The following TTC23L variants were observed in gnomAD, a reference collection of about 807,000 sequenced individuals.
TTC23L encodes the protein tetratricopeptide repeat protein 23-like.
In TTC23L, 42 loss-of-function variants were observed where a neutral mutation model predicts 48.1. The observed-to-expected ratio is 0.87, with a 90% CI of 0.68 to 1.13. TTC23L has a LOEUF of 1.13. TTC23L is among the 50% of genes most tolerant of loss of function. The probability of loss-of-function intolerance (pLI) is 0.00; values close to 1 mark genes in which losing one functional copy is unlikely to be tolerated. For missense variants in TTC23L, 391 were observed against 421.0 expected, an observed-to-expected ratio of 0.93 and a Z score of 0.62; for synonymous variants, 159 against 157.2, an observed-to-expected ratio of 1.01 and a Z score of -0.09.
intron 4 of TTC23L, among the ~76,000 whole-genome samples, chr5:34,851,611 T>C (rs558979400): frequency 5.5e-4 from 83 of 152,182 alleles, no homozygotes; most frequent in Non-Finnish European, 1.0e-3. Flanking sequence ...AATGTCCTTA[T>C]GTACTGGCAG....
chr5:34,915,889 G>A, the TTC23L span: 2 of 1,553,932 alleles, frequency 1.3e-6, no homozygotes, highest in Non-Finnish European at 1.7e-6. Context: ...CCCAGGCCCC[G>A]TTTGCAAGGT....
At chr5:34,874,639 C>T (rs1303021590) in intron 8 of TTC23L, among the ~76,000 whole-genome samples, 1 of 151,990 alleles carries the variant, frequency 6.6e-6, no homozygotes, top group Non-Finnish European at 1.5e-5. Context: ...GGGGGGTTTG[C>T]TTGAGCCCAG....
chr5:34,877,534 C>G (rs568392540), intron 8 of TTC23L, among the ~76,000 whole-genome samples: 1 of 152,142 alleles, frequency 6.6e-6, no homozygotes, highest in South Asian at 2.1e-4. Context: ...AGTGATTCTC[C>G]TGCCTCAGCC....
At chr5:34,869,220 C>A (rs1761277408) in intron 8 of TTC23L, 4 of 483,678 alleles carry the variant, frequency 8.3e-6, no homozygotes, top group Admixed American at 6.6e-5. Flanking sequence ...ACAAATAAAT[C>A]ATCTGATTTC....
chr5:34,888,423 C>G (rs114342364), intron 9 of TTC23L: 1 of 960,166 alleles, frequency 1.0e-6, no homozygotes, highest in African/African-American at 1.8e-5. Flanking sequence ...CTATCTGATT[C>G]TCTTTAACCT....
chr5:34,912,756 TAG>T, the TTC23L span, among the ~76,000 whole-genome samples: 1 of 152,160 alleles, frequency 6.6e-6, no homozygotes, highest in Admixed American at 6.5e-5. Flanking sequence ...TCCCAGAACT[TAG>T]AGAGACTGAG....
chr5:34,850,123 A>C, intron 3 of TTC23L, 62 bp from the exon 4 acceptor site: 1 of 1,579,072 alleles, frequency 6.3e-7, no homozygotes, highest in Non-Finnish European at 8.7e-7. Flanking sequence ...TCCAGTGATA[A>C]GTCCATGGGG....
the TTC23L span, among the ~76,000 whole-genome samples, chr5:34,904,967 T>TCAA: frequency 1.3e-5 from 2 of 152,236 alleles, no homozygotes; most frequent in African/African-American, 4.8e-5. Context: ...ATTATAATGA[T>TCAA]CAACAAGCTA....
At chr5:34,918,498 A>G in the TTC23L span, 2 of 1,328,616 alleles carry the variant, frequency 1.5e-6, no homozygotes, top group Admixed American at 4.7e-5. Flanking sequence ...CATATACTTT[A>G]GAAATTTCTA....
the TTC23L span, chr5:34,914,591 G>T: frequency 9.6e-7 from 1 of 1,038,372 alleles, no homozygotes; most frequent in Non-Finnish European, 1.4e-6. Context: ...CTATTGACAA[G>T]TTATTATGAC....
intron 8 of TTC23L, among the ~76,000 whole-genome samples, chr5:34,876,975 TTAAAG>T (rs545494631): frequency 2.0e-5 from 3 of 151,874 alleles, no homozygotes; most frequent in Non-Finnish European, 4.4e-5. Flanking sequence ...ACCCCAGAAC[TTAAAG>T]TATAATAAAA....
the TTC23L span, chr5:34,916,041 G>C: frequency 1.1e-6 from 1 of 948,880 alleles, no homozygotes; most frequent in Non-Finnish European, 1.5e-6. Context: ...CTCCCGGCCA[G>C]ACTGGGCACG....
the TTC23L span, chr5:34,911,741 C>G: frequency 6.2e-7 from 1 of 1,614,072 alleles, no homozygotes; most frequent in Non-Finnish European, 8.5e-7. Context: ...GTCACCACTC[C>G]TCCTTCTTCC....
chr5:34,880,550 G>C (rs942665518), intron 9 of TTC23L: 4 of 483,352 alleles, frequency 8.3e-6, no homozygotes, highest in Non-Finnish European at 1.5e-5. Flanking sequence ...GGAAACTGCA[G>C]AGTAGGCTCA....
At chr5:34,925,401 C>T in the TTC23L span, 1 of 1,613,778 alleles carries the variant, frequency 6.2e-7, no homozygotes. Flanking sequence ...TGGGTAAAAC[C>T]AGAGCCAAAA....
At chr5:34,855,963 C>T (rs550729810) in intron 4 of TTC23L, among the ~76,000 whole-genome samples, 14 of 152,228 alleles carry the variant, frequency 9.2e-5, no homozygotes, top group Admixed American at 2.0e-4. Flanking sequence ...AACTTTTCAA[C>T]GATAGAAATG....
intron 2 of TTC23L, among the ~76,000 whole-genome samples, chr5:34,841,297 G>A (rs1197400813): frequency 3.3e-5 from 5 of 152,054 alleles, no homozygotes; most frequent in Non-Finnish European, 5.9e-5. Context: ...CTTTCGTATC[G>A]TCTAATACTT....
chr5:34,877,805 C>A (rs1236690916), intron 8 of TTC23L, among the ~76,000 whole-genome samples: 4 of 152,092 alleles, frequency 2.6e-5, no homozygotes, highest in African/African-American at 9.7e-5. Context: ...CACTCCTTTT[C>A]AGCATCATAA....
chr5:34,850,212 C>T lies in TTC23L; in HGVS notation c.283C>T (p.Arg95Ter), dbSNP rs369077244. The T allele has an allele frequency of 6.2e-6, 10 of 1,613,730 alleles. No homozygotes were observed. Among genetic ancestry groups the T allele is most frequent in the Middle Eastern group, 1.6e-4 (1 of 6,080 alleles). Residue 95 changes from arginine (R) to a stop codon, truncating the protein, a stop_gained, in exon 4 of 11, where the codon CGA (arginine) becomes TGA (stop). Transcript: ENST00000505624. LOFTEE classifies it high-confidence loss of function. ...TACTCAAGCAAACAAGGAGCTGATT[C>T]GATGTGTCATCCTTTCTCGGATTAT... is the stretch of plus-strand genomic sequence containing the variant.
Sources: allele counts gnomAD v4.1 joint callset (sites outside exome capture counted in the v4.1 genomes callset), GRCh38; gene constraint gnomAD v4.1.1; transcripts MANE v1.5; gene names NCBI Gene and HGNC (gene_info 2026-07-23, HGNC 2026-07-21).